HYDIN: variants seen among roughly 807,000 people sequenced by gnomAD.
The protein encoded by HYDIN is axonemal central pair apparatus protein HYDIN.
Under a neutral mutation model 403.9 loss-of-function variants are expected in HYDIN, and 132 were observed. The observed-to-expected ratio is 0.33, with a 90% CI of 0.28 to 0.38. The LOEUF is 0.38. Among genes scored for constraint, HYDIN ranks in the 10% least tolerant of loss-of-function variants. HYDIN has a pLI of 1.00. For missense variants in HYDIN, 2,827 were observed against 5,009.5 expected (o/e 0.56, Z 13.15); for synonymous variants, 1,202 against 1,891.7 (o/e 0.64, Z 9.46).
intron 45 of HYDIN, among the ~76,000 whole-genome samples, chr16:70,925,109 C>T (rs2077108760): frequency 6.6e-6 from 1 of 152,076 alleles, no homozygotes; most frequent in Non-Finnish European, 1.5e-5. Context: ...TGACTGCCAG[C>T]ATCAAACAGT....
intron 65 of HYDIN, among the ~76,000 whole-genome samples, chr16:70,871,509 G>C (rs913295178): frequency 4.6e-5 from 7 of 152,044 alleles, no homozygotes; most frequent in African/African-American, 1.7e-4. Context: ...AAAAAAAAAT[G>C]TGTGTTGTGG....
intron 10 of HYDIN, among the ~76,000 whole-genome samples, chr16:71,102,630 G>A (rs889777584): frequency 6.6e-6 from 1 of 151,688 alleles, no homozygotes; most frequent in Non-Finnish European, 1.5e-5. Context: ...GTTACAGCCC[G>A]ACCTTCAGCT....
intron 14 of HYDIN, among the ~76,000 whole-genome samples, chr16:71,068,677 G>A (rs544029857): frequency 2.0e-5 from 3 of 152,240 alleles, no homozygotes; most frequent in African/African-American, 4.8e-5. Flanking sequence ...ACTGTGAGGC[G>A]ATAACCAAGG....
At chr16:71,157,610 T>C (rs1452044421) in intron 6 of HYDIN, among the ~76,000 whole-genome samples, 1 of 152,240 alleles carries the variant, frequency 6.6e-6, no homozygotes, top group Non-Finnish European at 1.5e-5. Flanking sequence ...GAAAAGGGAC[T>C]GACTGGTAGG....
At chr16:71,216,125 G>C (rs1356122042) in intron 1 of HYDIN, among the ~76,000 whole-genome samples, 3 of 152,198 alleles carry the variant, frequency 2.0e-5, no homozygotes, top group Admixed American at 2.0e-4. Flanking sequence ...CTGGTAGACA[G>C]TCCAGAGAAA....
At chr16:71,120,723 G>T (rs2084224685) in intron 9 of HYDIN, among the ~76,000 whole-genome samples, 1 of 150,210 alleles carries the variant, frequency 6.7e-6, no homozygotes, top group South Asian at 2.1e-4. Context: ...TTCCTTGAAA[G>T]ATTATTTCTT....
chr16:70,884,024 A>G lies in HYDIN; in HGVS notation c.9875T>C (p.Met3292Thr). 1 of 1,614,178 alleles carries G rather than the reference A, an allele frequency of 6.2e-7. No individual in the cohort carries two copies. Among genetic ancestry groups the G allele is most frequent in the Non-Finnish European group, 8.5e-7 (1 of 1,180,040 alleles). ...GGCTATAAACTCCTCACACTTTCCC[A>G]TGGCGTCAGCCACACAGTCAACGTT... The part of the protein sequence containing the change: ...VINVDCVADA[M>T]GKCEEFIAID... Residue 3292 changes from methionine to threonine, a missense_variant, in exon 59 of 86, where the codon ATG becomes ACG. Physicochemically the swap from Met to Thr is moderately conservative, Grantham distance 81. Transcript: ENST00000393567.
At chr16:71,187,328 C>T (rs953348776) in intron 1 of HYDIN, among the ~76,000 whole-genome samples, 1 of 152,140 alleles carries the variant, frequency 6.6e-6, no homozygotes, top group African/African-American at 2.4e-5. Flanking sequence ...GGTTACAGGG[C>T]TTCACAGCTG....
intron 5 of HYDIN, among the ~76,000 whole-genome samples, chr16:71,165,010 C>T (rs1427260866): frequency 6.6e-6 from 1 of 152,090 alleles, no homozygotes; most frequent in Non-Finnish European, 1.5e-5. Context: ...TCACCACCTC[C>T]ACCCCCGCCA....
intron 10 of HYDIN, among the ~76,000 whole-genome samples, chr16:71,106,488 C>A (rs1008926257): frequency 2.0e-5 from 3 of 152,132 alleles, no homozygotes; most frequent in African/African-American, 7.2e-5. Context: ...GTTTCCTCCA[C>A]TGAATTCTAT....
At chr16:71,012,790 G>A (rs530585077) in intron 23 of HYDIN, among the ~76,000 whole-genome samples, 35 of 151,608 alleles carry the variant, frequency 2.3e-4, no homozygotes, top group South Asian at 4.2e-4. Flanking sequence ...CCACTTTTAT[G>A]TGGTTTATGT....
At chr16:71,086,260 T>A (rs2144358235) in intron 12 of HYDIN, among the ~76,000 whole-genome samples, 1 of 152,364 alleles carries the variant, frequency 6.6e-6, no homozygotes, top group Middle Eastern at 3.4e-3. Context: ...ATCAGGAATG[T>A]CTAAGAAACC....
At chr16:70,916,357 T>C (rs887014176) in intron 47 of HYDIN, among the ~76,000 whole-genome samples, 1 of 152,208 alleles carries the variant, frequency 6.6e-6, no homozygotes, top group African/African-American at 2.4e-5. Flanking sequence ...CTCAACTCTC[T>C]AAATTGACTC....
At chr16:70,859,246 A>G (rs554071863) in intron 71 of HYDIN, among the ~76,000 whole-genome samples, 1 of 152,190 alleles carries the variant, frequency 6.6e-6, no homozygotes, top group Admixed American at 6.5e-5. Flanking sequence ...GCATGTAGTG[A>G]GCCGAGATCG....
At chr16:70,955,061 T>G (rs1307764632) in intron 40 of HYDIN, among the ~76,000 whole-genome samples, 2 of 152,186 alleles carry the variant, frequency 1.3e-5, no homozygotes, top group Non-Finnish European at 2.9e-5. Context: ...GTTGCAAAAT[T>G]ATTTTCCTCT....
chr16:70,923,885 A>G (rs545846960), intron 45 of HYDIN, among the ~76,000 whole-genome samples: 1 of 149,978 alleles, frequency 6.7e-6, no homozygotes, highest in Admixed American at 6.6e-5. Context: ...ATAATCCACA[A>G]AGGCAAAAGT....
intron 5 of HYDIN, among the ~76,000 whole-genome samples, chr16:71,174,686 G>A (rs531683341): frequency 4.6e-5 from 7 of 152,176 alleles, no homozygotes; most frequent in Admixed American, 1.3e-4. Flanking sequence ...CTCCTAGAAG[G>A]AACTGGAATT....
At chr16:70,873,907 TC>T (rs367593249) in intron 64 of HYDIN, among the ~76,000 whole-genome samples, 2,798 of 141,594 alleles carry the variant, frequency 0.02, 18 homozygotes, top group Non-Finnish European at 0.031. Context: ...ACCTATACTC[TC>T]TCTAATAAAC....
At chr16:71,106,448 C>A (rs2144425269) in intron 10 of HYDIN, among the ~76,000 whole-genome samples, 1 of 152,268 alleles carries the variant, frequency 6.6e-6, no homozygotes, top group South Asian at 2.1e-4. Flanking sequence ...TCTATAGTAG[C>A]AGTGCACTAT....
Sources: gnomAD v4.1 joint callset for allele counts (sites outside exome capture counted in the v4.1 genomes callset) on GRCh38, gnomAD v4.1.1 for gene constraint, MANE v1.5 for transcripts, NCBI Gene and HGNC (gene_info 2026-07-23, HGNC 2026-07-21) for gene names.